Variants in HUNK observed in about 807,000 individuals in gnomAD.
HUNK encodes the protein hormonally up-regulated Neu-associated kinase, also known as hormonally up-regulated neu tumor-associated kinase.
HUNK carries 21 observed loss-of-function variants against 61.0 expected under a neutral mutation model. That is an observed-to-expected ratio of 0.34 (90% CI 0.24 to 0.50). The LOEUF (loss-of-function observed/expected upper bound fraction) is 0.50. Among genes scored for constraint, HUNK ranks in the 20% least tolerant of loss-of-function variants. The probability of loss-of-function intolerance (pLI) is 0.98; values close to 1 mark genes in which losing one functional copy is unlikely to be tolerated. For missense variants in HUNK, 772 were observed against 945.7 expected, an observed-to-expected ratio of 0.82 and a Z score of 2.41; for synonymous variants, 371 against 386.1, an observed-to-expected ratio of 0.96 and a Z score of 0.46.
At chr21:31,909,432 G>T (rs931098170) in intron 1 of HUNK, among the ~76,000 whole-genome samples, 3 of 152,206 alleles carry the variant, frequency 2.0e-5, no homozygotes, top group Non-Finnish European at 2.9e-5. Flanking sequence ...CCAGCCCTGC[G>T]TTGGGAGCTG....
chr21:31,916,137 G>A (rs1377983806), intron 1 of HUNK, among the ~76,000 whole-genome samples: 3 of 123,920 alleles, frequency 2.4e-5, no homozygotes, highest in African/African-American at 6.1e-5. Flanking sequence ...TGCAAGCTCC[G>A]CCTCCCGGGT....
chr21:31,977,044 T>C (rs1396629771), intron 7 of HUNK, among the ~76,000 whole-genome samples: 1 of 152,182 alleles, frequency 6.6e-6, no homozygotes, highest in East Asian at 1.9e-4. Context: ...GTGCTAGGAA[T>C]ACAGCTGTGA....
chr21:31,975,588 C>A (rs1373177262), intron 7 of HUNK, among the ~76,000 whole-genome samples: 1 of 152,174 alleles, frequency 6.6e-6, no homozygotes, highest in Non-Finnish European at 1.5e-5. Context: ...ACCACCTTCA[C>A]CCTGGGCCTG....
chr21:31,956,814 A>G (rs1156921185), intron 4 of HUNK, among the ~76,000 whole-genome samples: 1 of 151,666 alleles, frequency 6.6e-6, no homozygotes, highest in Non-Finnish European at 1.5e-5. Context: ...TATACAATAT[A>G]ACTACTCCCT....
intron 2 of HUNK, among the ~76,000 whole-genome samples, chr21:31,926,004 C>G (rs375207941): frequency 6.6e-6 from 1 of 151,946 alleles, no homozygotes; most frequent in Non-Finnish European, 1.5e-5. Flanking sequence ...TCACTGCAAC[C>G]ACTTCCCAGG....
chr21:31,952,289 T>A (rs532782604), intron 4 of HUNK, among the ~76,000 whole-genome samples: 87 of 152,138 alleles, frequency 5.7e-4, no homozygotes, highest in Non-Finnish European at 7.9e-4. Flanking sequence ...TGGAAAGATA[T>A]TGCTTTCAGG....
At chr21:31,874,105 C>T (rs1447674048) in intron 1 of HUNK, among the ~76,000 whole-genome samples, 170 bp downstream of exon 1, 3 of 1,402 alleles carry the variant, frequency 2.1e-3, no homozygotes, top group African/African-American at 0.011. Flanking sequence ...ATCTCGCAGC[C>T]TTTCCCGAAG....
intron 1 of HUNK, among the ~76,000 whole-genome samples, chr21:31,892,180 TAGAGAGAG>T (rs66753649): frequency 0.078 from 8,595 of 109,620 alleles, 369 homozygotes; most frequent in East Asian, 0.18. Flanking sequence ...TATATATATA[TAGAGAGAG>T]AGAGAGAGAG....
At chr21:31,921,935 C>T (rs2057206025) in intron 1 of HUNK, among the ~76,000 whole-genome samples, 1 of 152,166 alleles carries the variant, frequency 6.6e-6, no homozygotes, top group Non-Finnish European at 1.5e-5. Flanking sequence ...TTACCATGGT[C>T]AAGCTCATGG....
At chr21:31,992,209 C>T (rs2123254758) in intron 9 of HUNK, among the ~76,000 whole-genome samples, 1 of 152,308 alleles carries the variant, frequency 6.6e-6, no homozygotes, top group African/African-American at 2.4e-5. Context: ...ATCATACCCC[C>T]AGTTGCACAG....
intron 1 of HUNK, among the ~76,000 whole-genome samples, chr21:31,922,703 GT>G (rs2123815109): frequency 6.6e-6 from 1 of 152,254 alleles, no homozygotes; most frequent in South Asian, 2.1e-4. Flanking sequence ...TCAGACTTCT[GT>G]TTTTTTCTTT....
intron 2 of HUNK, among the ~76,000 whole-genome samples, chr21:31,933,144 G>A (rs1284800989): frequency 1.3e-5 from 2 of 151,604 alleles, no homozygotes; most frequent in Non-Finnish European, 2.9e-5. Context: ...TTGAACTCCT[G>A]ACCTCAGGTG....
At chr21:31,979,241 C>T (rs1338980780) in intron 7 of HUNK, among the ~76,000 whole-genome samples, 1 of 151,796 alleles carries the variant, frequency 6.6e-6, no homozygotes, top group Non-Finnish European at 1.5e-5. Flanking sequence ...GCCTCAGTCT[C>T]CTGAGTAGCT....
Position 31,876,146 on chromosome 21 carries a change from C to T in HUNK, c.261+2211C>T, listed in dbSNP as rs548394005. On this transcript the variant is annotated intron_variant, in intron 1 of 10. Transcript: ENST00000270112. ...GAATCTCACTTCATTGTTGCAATGA[C>T]AGGAGATGTTAATTGGATGTAAAAT... is the stretch of plus-strand genomic sequence containing the variant. 1.5e-4 allele frequency among the ~76,000 whole-genome samples: 23 copies of T among 152,306 alleles called. No homozygotes were observed. The South Asian group carries it at 4.8e-3, about 32-fold the overall frequency.
rs956852690 is a variant in HUNK, at chr21:32,000,510, G to A, written c.*1326G>A. 2 of 399,082 alleles carry A rather than the reference G, an allele frequency of 5.0e-6. No homozygotes were observed. The highest frequency in any genetic ancestry group is 8.8e-5 in the Admixed American group (2 of 22,722). The allele number at this position is 399,082 out of a possible 1,614,324, so 24.7% of individuals were successfully genotyped here. On this transcript the variant is annotated 3_prime_UTR_variant, in exon 11 of 11. Transcript: ENST00000270112. ...CTTGACAGGGTGCAGTCATTGGTGA[G>A]AAGAATCAGAAAAAGAAGACCCATC... is the stretch of plus-strand genomic sequence containing the variant.
chr21:31,977,997 C>T (rs763854635), intron 7 of HUNK, among the ~76,000 whole-genome samples: 31 of 152,240 alleles, frequency 2.0e-4, no homozygotes, highest in Non-Finnish European at 3.7e-4. Context: ...TGCACCTGGC[C>T]TGAAGCTCTT....
intron 1 of HUNK, among the ~76,000 whole-genome samples, chr21:31,885,775 C>T (rs2052341521): frequency 6.6e-6 from 1 of 152,056 alleles, no homozygotes; most frequent in Non-Finnish European, 1.5e-5. Flanking sequence ...TGCTCTGTTG[C>T]CCAGGCTGTT....
At chr21:31,935,841 G>T (rs2052729756) in intron 2 of HUNK, among the ~76,000 whole-genome samples, 1 of 151,806 alleles carries the variant, frequency 6.6e-6, no homozygotes, top group Non-Finnish European at 1.5e-5. Context: ...TTTTTGAGAT[G>T]GAGTCTCACT....
intron 1 of HUNK, among the ~76,000 whole-genome samples, chr21:31,888,511 C>A (rs147531530): frequency 0.058 from 8,777 of 152,222 alleles, 310 homozygotes; most frequent in Middle Eastern, 0.16. Flanking sequence ...CCGAGGCGGG[C>A]AGATCACTTG....
Sources: allele counts gnomAD v4.1 joint callset (sites outside exome capture counted in the v4.1 genomes callset), GRCh38; gene constraint gnomAD v4.1.1; transcripts MANE v1.5; gene names NCBI Gene and HGNC (gene_info 2026-07-23, HGNC 2026-07-21).